TUSC7: variants seen among roughly 807,000 people sequenced by gnomAD.
The protein encoded by TUSC7 is LSAMP antisense RNA 3.
At chr3:116,713,801 A>G (rs541859364) in intron 1 of TUSC7, among the ~76,000 whole-genome samples, 2 of 152,236 alleles carry the variant, frequency 1.3e-5, no homozygotes, top group East Asian at 3.9e-4. Flanking sequence ...CCCTGTCTCT[A>G]GTAAATATAC....
At chr3:116,710,406 T>C (rs2051453625) in intron 1 of TUSC7, 2 of 152,108 alleles carry the variant, frequency 1.3e-5, no homozygotes, top group African/African-American at 4.8e-5. Flanking sequence ...AAGATGAAGA[T>C]GTGGGAGAGG....
chr3:116,711,030 C>T (rs936872795), intron 1 of TUSC7, among the ~76,000 whole-genome samples: 1 of 152,064 alleles, frequency 6.6e-6, no homozygotes, highest in African/African-American at 2.4e-5. Context: ...TTAATTGTGC[C>T]TATATTTCTG....
intron 1 of TUSC7, among the ~76,000 whole-genome samples, chr3:116,710,846 C>G (rs2051456801): frequency 6.6e-6 from 1 of 152,054 alleles, no homozygotes; most frequent in Non-Finnish European, 1.5e-5. Flanking sequence ...ACTGCCCTTA[C>G]TATACCCCAT....
chr3:116,714,832 C>T (rs894960017), intron 1 of TUSC7, among the ~76,000 whole-genome samples: 1 of 152,142 alleles, frequency 6.6e-6, no homozygotes, highest in Non-Finnish European at 1.5e-5. Flanking sequence ...CCTGCATTGA[C>T]ATATAATCAC....
At chr3:116,715,390 GA>G (rs2051496972) in intron 1 of TUSC7, among the ~76,000 whole-genome samples, 2 of 152,260 alleles carry the variant, frequency 1.3e-5, no homozygotes, top group Admixed American at 1.3e-4. Context: ...AGTTTTGTAA[GA>G]AAATACCAAA....
intron 1 of TUSC7, among the ~76,000 whole-genome samples, chr3:116,715,859 A>T (rs1249433933): frequency 6.6e-6 from 1 of 152,220 alleles, no homozygotes; most frequent in African/African-American, 2.4e-5. Flanking sequence ...AACAAAATGC[A>T]TTTAGGTAAT....
At chr3:116,712,126 C>A (rs1164334299) in intron 1 of TUSC7, among the ~76,000 whole-genome samples, 1 of 152,080 alleles carries the variant, frequency 6.6e-6, no homozygotes, top group African/African-American at 2.4e-5. Flanking sequence ...TCATAGTTTA[C>A]AATTGTTTCT....
chr3:116,714,279 T>G (rs12488450), intron 1 of TUSC7: 17,659 of 152,198 alleles, frequency 0.12, 1,189 homozygotes, highest in East Asian at 0.25. Context: ...ATTGTGGACT[T>G]TTGCACCAAA....
chr3:116,714,319 G>A (rs1200180645), intron 1 of TUSC7, among the ~76,000 whole-genome samples: 3 of 152,184 alleles, frequency 2.0e-5, no homozygotes, highest in African/African-American at 7.2e-5. Flanking sequence ...AAACACAGCA[G>A]GAGATGGTTT....
intron 1 of TUSC7, chr3:116,716,332 C>T (rs1341844572): frequency 6.6e-6 from 1 of 152,080 alleles, no homozygotes; most frequent in Non-Finnish European, 1.5e-5. Flanking sequence ...CTTGTGGAGG[C>T]CAAACTGCAA....
chr3:116,713,473 G>A lies in TUSC7; in HGVS notation n.98+3597G>A, dbSNP rs200840147. Among the ~76,000 whole-genome samples, 3 of 152,206 alleles carry A rather than the reference G, an allele frequency of 2.0e-5. No homozygotes were observed. In the East Asian group the frequency reaches 5.8e-4, roughly 29 times the overall value. On this transcript the variant is annotated intron_variant and non_coding_transcript_variant, in intron 1 of 2. Transcript: ENST00000477805. ...GATATGGAGCTCAAGTCTGCTAAGA[G>A]ATGTCACTTGTGTTTTGTTGCCTTC...
intron 1 of TUSC7, among the ~76,000 whole-genome samples, chr3:116,713,833 G>A (rs762547441): frequency 2.0e-5 from 3 of 152,110 alleles, no homozygotes; most frequent in African/African-American, 7.2e-5. Context: ...GGGCATGGTG[G>A]TGCATACCCG....
chr3:116,717,008 C>A (rs533590582), intron 1 of TUSC7: 1 of 152,206 alleles, frequency 6.6e-6, no homozygotes, highest in Admixed American at 6.5e-5. Context: ...GGAAAACCTT[C>A]AAATAAAATG....
At chr3:116,712,357 C>A (rs932216935) in intron 1 of TUSC7, 3 of 152,112 alleles carry the variant, frequency 2.0e-5, no homozygotes, top group Non-Finnish European at 4.4e-5. Flanking sequence ...TATCTCAGCC[C>A]CCAGTATATA....
chr3:116,712,275 G>T (rs1414724807), intron 1 of TUSC7: 2 of 152,142 alleles, frequency 1.3e-5, no homozygotes, highest in African/African-American at 4.8e-5. Flanking sequence ...TTAATTAAAT[G>T]CTTATTTTAT....
At chr3:116,716,914 G>A (rs550928295) in intron 1 of TUSC7, 1 of 152,236 alleles carries the variant, frequency 6.6e-6, no homozygotes, top group East Asian at 1.9e-4. Flanking sequence ...TTAGAAAACA[G>A]TTCCTCAAAT....
intron 1 of TUSC7, chr3:116,716,263 T>G (rs914977006): frequency 3.3e-5 from 5 of 152,214 alleles, no homozygotes; most frequent in Non-Finnish European, 7.4e-5. Context: ...CTCTGAGAGA[T>G]ACTTTTTGCA....
chr3:116,716,368 C>A (rs1408057154), intron 1 of TUSC7: 2 of 152,084 alleles, frequency 1.3e-5, no homozygotes, highest in Non-Finnish European at 2.9e-5. Context: ...CCATCAGTGG[C>A]AGTTTGGGGA....
chr3:116,713,638 T>C (rs2051480735), intron 1 of TUSC7, among the ~76,000 whole-genome samples: 1 of 152,204 alleles, frequency 6.6e-6, no homozygotes, highest in Non-Finnish European at 1.5e-5. Context: ...CCTGGAACAC[T>C]TATGAGCTGT....
Sources: gnomAD v4.1 joint callset for allele counts (sites outside exome capture counted in the v4.1 genomes callset) on GRCh38, gnomAD v4.1.1 for gene constraint, MANE v1.5 for transcripts, NCBI Gene and HGNC (gene_info 2026-07-23, HGNC 2026-07-21) for gene names.